The following NELL1 variants were observed in gnomAD, a reference collection of about 807,000 sequenced individuals.
The protein encoded by NELL1 is neural EGFL like 1.
NELL1 carries 76 observed loss-of-function variants against 107.4 expected under a neutral mutation model. That is an observed-to-expected ratio of 0.71 (90% CI 0.59 to 0.86). The LOEUF (loss-of-function observed/expected upper bound fraction) is 0.86. Among genes scored for constraint, NELL1 ranks in the 40% least tolerant of loss-of-function variants. The pLI, the probability that NELL1 is intolerant of heterozygous loss-of-function variation, is 0.00. For missense variants in NELL1, 1,024 were observed against 1,005.5 expected, an observed-to-expected ratio of 1.02 and a Z score of -0.25; for synonymous variants, 353 against 341.2, an observed-to-expected ratio of 1.03 and a Z score of -0.38.
intron 2 of NELL1, among the ~76,000 whole-genome samples, chr11:20,772,505 A>G (rs1338195694): frequency 1.3e-5 from 2 of 152,234 alleles, no homozygotes; most frequent in Non-Finnish European, 2.9e-5. Flanking sequence ...ATGTATATGA[A>G]TATGCTTAGA....
chr11:21,155,043 G>T (rs931958104), intron 13 of NELL1, among the ~76,000 whole-genome samples: 2 of 152,096 alleles, frequency 1.3e-5, no homozygotes, highest in Non-Finnish European at 2.9e-5. Context: ...AAGAGACAGT[G>T]GTCTGAAGAC....
Position 20,920,545 on chromosome 11 carries a change from C to A in NELL1, c.759+1211C>A, listed in dbSNP as rs746826049. On this transcript the variant is annotated intron_variant, in intron 7 of 19. Transcript: ENST00000357134. ...TTCAGAGTATAGTGGGAATGTGAAA[C>A]GCAGGTGATTATTTACCTTCCCAGC... Among the ~76,000 whole-genome samples, 66 of 152,114 alleles carry A rather than the reference C, an allele frequency of 4.3e-4. 2 individuals are homozygous for A. Among genetic ancestry groups the A allele is most frequent in the Middle Eastern group, 6.8e-3 (2 of 294 alleles).
At chr11:21,146,080 G>C (rs572905021) in intron 13 of NELL1, among the ~76,000 whole-genome samples, 103 of 152,198 alleles carry the variant, frequency 6.8e-4, no homozygotes, top group Non-Finnish European at 1.3e-3. Flanking sequence ...CCTACTCGTT[G>C]GTAAAATGGT....
At chr11:21,059,049 A>G (rs930002908) in intron 12 of NELL1, among the ~76,000 whole-genome samples, 1 of 152,090 alleles carries the variant, frequency 6.6e-6, no homozygotes, top group Non-Finnish European at 1.5e-5. Context: ...TGGCCTTTAC[A>G]TTCTCAACAC....
intron 13 of NELL1, among the ~76,000 whole-genome samples, chr11:21,121,159 G>C (rs1019163537): frequency 1.8e-4 from 28 of 152,196 alleles, no homozygotes; most frequent in Non-Finnish European, 2.8e-4. Flanking sequence ...CTTTAGCATA[G>C]AGCAGAAGAA....
At position 21,150,371 on chromosome 11, in the gene NELL1, G is replaced by A. The variant is rs182399417; in HGVS notation, c.1426+36657G>A. Among the ~76,000 whole-genome samples, 15 of 152,328 alleles carry A rather than the reference G, an allele frequency of 9.8e-5. No individual in the cohort carries two copies. In the East Asian group the frequency reaches 2.9e-3, roughly 29 times the overall value. Reference sequence around the variant, plus strand: ...GGCTTCAGGCTCTGACCTGTTGACTGTAATGGATTCCTTGTTTGCTTCAGT... The same window carrying A: ...GGCTTCAGGCTCTGACCTGTTGACTATAATGGATTCCTTGTTTGCTTCAGT... On this transcript the variant is annotated intron_variant, in intron 13 of 19. Coordinates refer to ENST00000357134, the MANE Select transcript of NELL1 (RefSeq NM_006157.5).
intron 15 of NELL1, among the ~76,000 whole-genome samples, chr11:21,487,409 G>A (rs1351256229): frequency 6.6e-6 from 1 of 152,124 alleles, no homozygotes; most frequent in East Asian, 1.9e-4. Flanking sequence ...CAAATGCTTA[G>A]GGAATTTATC....
In NELL1 at chr11:21,550,660, G is replaced by T. The variant is rs531578718; in HGVS notation, c.1787-9529G>T. ...AAGATCAGATAGTTGTAGATATGAG[G>T]CATTATTTCTGAGGGCTCTGTTCTG... On this transcript the variant is annotated intron_variant, in intron 16 of 19. Transcript: ENST00000357134. Among the ~76,000 whole-genome samples the T allele has an allele frequency of 8.5e-5, 13 of 152,108 alleles. No homozygotes were observed. In the East Asian group the frequency reaches 2.5e-3, roughly 30 times the overall value.
chr11:21,510,061 G>T (rs941563263), intron 15 of NELL1, among the ~76,000 whole-genome samples: 12 of 152,146 alleles, frequency 7.9e-5, no homozygotes, highest in African/African-American at 2.9e-4. Context: ...GGGGGCTAAG[G>T]CCTAATTAAC....
intron 2 of NELL1, among the ~76,000 whole-genome samples, chr11:20,733,239 G>A (rs529822814): frequency 6.6e-6 from 1 of 152,166 alleles, no homozygotes; most frequent in Non-Finnish European, 1.5e-5. Flanking sequence ...GAAGAGCACT[G>A]TATCTTCTAA....
intron 2 of NELL1, among the ~76,000 whole-genome samples, chr11:20,748,899 T>TCCACCCAG (rs1358963068): frequency 1.9e-5 from 1 of 53,890 alleles, no homozygotes; most frequent in Admixed American, 2.2e-4. Flanking sequence ...CATCCATCCA[T>TCCACCCAG]CCACCCAGCC....
At chr11:20,894,057 C>T (rs1310451886) in intron 5 of NELL1, among the ~76,000 whole-genome samples, 1 of 152,086 alleles carries the variant, frequency 6.6e-6, no homozygotes, top group Non-Finnish European at 1.5e-5. Flanking sequence ...CTACAGTGTG[C>T]TGGGTCAACT....
chr11:21,056,300 T>G (rs1402494637), intron 12 of NELL1, among the ~76,000 whole-genome samples: 1 of 152,182 alleles, frequency 6.6e-6, no homozygotes, highest in Non-Finnish European at 1.5e-5. Flanking sequence ...ATTATGATAT[T>G]GGCAAACAAT....
chr11:21,227,360 A>G (rs1180742537), intron 13 of NELL1, among the ~76,000 whole-genome samples: 2 of 152,202 alleles, frequency 1.3e-5, no homozygotes, highest in Non-Finnish European at 2.9e-5. Flanking sequence ...TTTGTATGAT[A>G]AAATAAAAGG....
chr11:20,928,580 G>T, intron 9 of NELL1, 101 bp downstream of exon 9: 2 of 898,774 alleles, frequency 2.2e-6, no homozygotes, highest in South Asian at 1.5e-5. Flanking sequence ...TTGATGAAAT[G>T]AAACATTGGC....
At chr11:20,699,683 G>GT (rs1854721617) in intron 2 of NELL1, among the ~76,000 whole-genome samples, 1 of 152,180 alleles carries the variant, frequency 6.6e-6, no homozygotes, top group Admixed American at 6.5e-5. Context: ...CTACTCATTG[G>GT]TAGATGGGCA....
intron 14 of NELL1, among the ~76,000 whole-genome samples, chr11:21,332,548 A>G (rs1850295678): frequency 6.6e-6 from 1 of 151,994 alleles, no homozygotes; most frequent in Admixed American, 6.6e-5. Context: ...TATATTTTAT[A>G]CAATTATGAT....
At chr11:21,293,720 G>T (rs1056754347) in intron 14 of NELL1, among the ~76,000 whole-genome samples, 1 of 152,104 alleles carries the variant, frequency 6.6e-6, no homozygotes, top group Non-Finnish European at 1.5e-5. Context: ...AGAAAATGTG[G>T]CACATACACA....
chr11:20,864,111 AGGGAGACTGTG>A (rs56731543), intron 4 of NELL1, among the ~76,000 whole-genome samples: 6,183 of 148,138 alleles, frequency 0.042, 385 homozygotes, highest in African/African-American at 0.14. Flanking sequence ...AGAGAGGGAG[AGGGAGACTGTG>A]GGGAGAGGGA....
Sources: allele counts gnomAD v4.1 joint callset (sites outside exome capture counted in the v4.1 genomes callset), GRCh38; gene constraint gnomAD v4.1.1; transcripts MANE v1.5; gene names NCBI Gene and HGNC (gene_info 2026-07-23, HGNC 2026-07-21).